The following MDFIC variants were observed in gnomAD, a reference collection of about 807,000 sequenced individuals.
The protein encoded by MDFIC is MyoD family inhibitor domain containing.
MDFIC carries 17 observed loss-of-function variants against 23.2 expected under a neutral mutation model. The observed-to-expected ratio is 0.73, with a 90% CI of 0.50 to 1.10. MDFIC has a LOEUF of 1.10. Ranked by LOEUF, MDFIC falls within the 50% of genes least tolerant of loss-of-function variation. The pLI, the probability that MDFIC is intolerant of heterozygous loss-of-function variation, is 0.00. For missense variants in MDFIC, 356 were observed against 316.6 expected (o/e 1.12, Z -0.95); for synonymous variants, 120 against 115.2 (o/e 1.04, Z -0.27).
rs1162505383 is a variant in MDFIC, at chr7:114,922,594, A to T, written c.-150A>T. 3.4e-5 allele frequency: 43 copies of T among 1,267,208 alleles called. No homozygotes were observed. The highest frequency in any genetic ancestry group is 4.2e-5 in the Non-Finnish European group (42 of 999,050). The allele number at this position is 1,267,208 out of a possible 1,614,324, so 78.5% of individuals were successfully genotyped here. ...CTTTCCGGGGCGGAAGAGGAGGAGGAGGAGGAGGAAGGGGCTTGGAGCGAC... is the reference window on the plus strand; with the variant it reads ...CTTTCCGGGGCGGAAGAGGAGGAGGTGGAGGAGGAAGGGGCTTGGAGCGAC... On this transcript the variant is annotated 5_prime_UTR_variant, in exon 1 of 5. Transcript: ENST00000393486.
chr7:114,953,450 T>A (rs1315297738), intron 3 of MDFIC, among the ~76,000 whole-genome samples: 1 of 152,222 alleles, frequency 6.6e-6, no homozygotes, highest in Non-Finnish European at 1.5e-5. Context: ...CTTCTGATTA[T>A]TTCAACATTA....
In MDFIC at chr7:115,015,974, T is replaced by TA. The variant is rs1167624254; in HGVS notation, c.*44dup. 6.3e-7 allele frequency: 1 copy of TA among 1,576,178 alleles called. No individual in the cohort carries two copies. The highest frequency in any genetic ancestry group is 8.6e-7 in the Non-Finnish European group (1 of 1,161,764). On this transcript the variant is annotated 3_prime_UTR_variant, in exon 5 of 5. Coordinates refer to ENST00000393486, the MANE Select transcript of MDFIC (RefSeq NM_001166345.3). ...GTTTGTGTTAAAACTGGAGAGTGTTTAAAAATTTCCTTTTGGGGGGAAGAA... is the reference window on the plus strand; with the variant it reads ...GTTTGTGTTAAAACTGGAGAGTGTTTAAAAAATTTCCTTTTGGGGGGAAGAA...
intron 4 of MDFIC, among the ~76,000 whole-genome samples, chr7:114,991,285 C>T (rs958904940): frequency 6.6e-6 from 1 of 152,024 alleles, no homozygotes; most frequent in African/African-American, 2.4e-5. Flanking sequence ...AAAATTTTCT[C>T]CAATTCTGTA....
At chr7:114,974,057 C>T (rs893625322) in intron 3 of MDFIC, among the ~76,000 whole-genome samples, 1 of 152,062 alleles carries the variant, frequency 6.6e-6, no homozygotes, top group African/African-American at 2.4e-5. Context: ...AGCTTCTAGA[C>T]TATGTCAGTA....
At chr7:114,961,692 G>A (rs1396933566) in intron 3 of MDFIC, among the ~76,000 whole-genome samples, 1 of 152,156 alleles carries the variant, frequency 6.6e-6, no homozygotes, top group Non-Finnish European at 1.5e-5. Context: ...TAATTACATG[G>A]CCAGAGCATG....
intron 3 of MDFIC, among the ~76,000 whole-genome samples, chr7:114,943,422 A>G (rs1385651757): frequency 6.6e-6 from 1 of 152,146 alleles, no homozygotes; most frequent in Admixed American, 6.6e-5. Context: ...AACAATAAAA[A>G]CACTATTGAA....
At chr7:114,977,499 C>T (rs181684782) in intron 3 of MDFIC, among the ~76,000 whole-genome samples, 2 of 152,248 alleles carry the variant, frequency 1.3e-5, no homozygotes, top group East Asian at 3.9e-4. Flanking sequence ...CTCCACCACC[C>T]TGGTGTGGCT....
intron 4 of MDFIC, among the ~76,000 whole-genome samples, chr7:114,980,945 T>C (rs1165896508): frequency 6.6e-6 from 1 of 152,210 alleles, no homozygotes; most frequent in African/African-American, 2.4e-5. Context: ...GATATGATAA[T>C]AAATGGTCTG....
intron 3 of MDFIC, among the ~76,000 whole-genome samples, chr7:114,968,889 A>G (rs992263068): frequency 6.6e-6 from 1 of 152,206 alleles, no homozygotes; most frequent in Non-Finnish European, 1.5e-5. Flanking sequence ...GTAAATGTTC[A>G]GTTAGCAATT....
At chr7:114,979,415 C>A in intron 3 of MDFIC, 91 bp from the exon 4 acceptor site, 8 of 1,347,850 alleles carry the variant, frequency 5.9e-6, no homozygotes, top group Non-Finnish European at 7.9e-6. Context: ...GGGTAAAACC[C>A]CAAATCTCTG....
At chr7:115,005,433 A>G (rs1208382206) in intron 4 of MDFIC, among the ~76,000 whole-genome samples, 2 of 152,208 alleles carry the variant, frequency 1.3e-5, no homozygotes, top group Non-Finnish European at 2.9e-5. Flanking sequence ...AGACACTTAC[A>G]ACCCTTTCTT....
In MDFIC at chr7:114,923,023, C is replaced by T; in HGVS notation, c.-11C>T. On this transcript the variant is annotated 5_prime_UTR_variant, in exon 2 of 5. Transcript: ENST00000393486. ...CGGCAGCGGCGCGGCGCGGGCTCGG[C>T]GGAGCGGCCCATGTCCGGCGCGGGC... The T allele has an allele frequency of 7.0e-6, 10 of 1,433,074 alleles. No individual in the cohort carries two copies. Among genetic ancestry groups the T allele is most frequent in the Middle Eastern group, 2.5e-4 (1 of 4,030 alleles). 88.8% of individuals were successfully genotyped at this position (1,433,074 alleles called of 1,614,324 possible).
At position 115,015,817 on chromosome 7, in the gene MDFIC, T is replaced by A. The variant is rs774588397; in HGVS notation, c.623T>A (p.Met208Lys). The change falls in exon 5 of 5, where the codon ATG becomes AAG. Residue 208 changes from methionine (M) to lysine (K), a missense_variant. By Grantham distance (95) the Met-to-Lys change is moderately conservative (BLOSUM62 -1). Transcript: ENST00000393486. ...TGCTGCTGTTGCTGTGGTGACGAGA[T>A]GGGGGATGATTGTAACTGCCCTTGT... ...EACCCCCGDE[M>K]GDDCNCPCDM... The A allele has an allele frequency of 1.9e-6, 3 of 1,614,088 alleles. No individual in the cohort carries two copies. In the African/African-American group the frequency reaches 4.0e-5, roughly 22 times the overall value.
intron 3 of MDFIC, among the ~76,000 whole-genome samples, chr7:114,976,543 G>T (rs1440133595): frequency 6.6e-6 from 1 of 152,020 alleles, no homozygotes; most frequent in African/African-American, 2.4e-5. Flanking sequence ...GTAGATTTTA[G>T]TTATGAAAAG....
At chr7:114,950,832 G>A (rs181551035) in intron 3 of MDFIC, among the ~76,000 whole-genome samples, 2 of 152,198 alleles carry the variant, frequency 1.3e-5, no homozygotes, top group East Asian at 3.9e-4. Flanking sequence ...GGTAAAGCTG[G>A]GTTTTTATCA....
chr7:114,944,004 A>G (rs1323418409), intron 3 of MDFIC, among the ~76,000 whole-genome samples: 1 of 152,204 alleles, frequency 6.6e-6, no homozygotes, highest in African/African-American at 2.4e-5. Flanking sequence ...TGTTTATATT[A>G]TTTGGTGAAG....
At chr7:114,924,518 T>C (rs1373247446) in intron 2 of MDFIC, among the ~76,000 whole-genome samples, 1 of 152,234 alleles carries the variant, frequency 6.6e-6, no homozygotes, top group African/African-American at 2.4e-5. Flanking sequence ...AATGTACCTG[T>C]GCATTAGGAT....
At chr7:114,967,473 G>C (rs1793120719) in intron 3 of MDFIC, among the ~76,000 whole-genome samples, 1 of 152,200 alleles carries the variant, frequency 6.6e-6, no homozygotes, top group African/African-American at 2.4e-5. Context: ...TTGACATGCT[G>C]AAGATGACTG....
At chr7:115,000,175 T>C (rs1210429984) in intron 4 of MDFIC, among the ~76,000 whole-genome samples, 1 of 152,222 alleles carries the variant, frequency 6.6e-6, no homozygotes, top group Non-Finnish European at 1.5e-5. Context: ...GTACCTTTTC[T>C]ATGTTTACAT....
Sources: gnomAD v4.1 joint callset for allele counts (sites outside exome capture counted in the v4.1 genomes callset) on GRCh38, gnomAD v4.1.1 for gene constraint, MANE v1.5 for transcripts, NCBI Gene and HGNC (gene_info 2026-07-23, HGNC 2026-07-21) for gene names.